ATP11C: variants seen among roughly 807,000 people sequenced by gnomAD.
ATP11C encodes the protein phospholipid-transporting ATPase IG.
In ATP11C, 36 loss-of-function variants were observed where a neutral mutation model predicts 97.4. That is an observed-to-expected ratio of 0.37 (90% CI 0.28 to 0.49). The LOEUF (loss-of-function observed/expected upper bound fraction) is 0.49, where lower values mean the gene tolerates loss of function less well. Ranked by LOEUF, ATP11C falls within the 20% of genes least tolerant of loss-of-function variation. ATP11C has a pLI of 0.98. For missense variants in ATP11C, 730 were observed against 824.6 expected (o/e 0.89, Z 1.40); for synonymous variants, 275 against 290.9 (o/e 0.95, Z 0.56).
At chrX:139,820,645 T>C (rs919280960) in intron 2 of ATP11C, among the ~76,000 whole-genome samples, 2 of 109,230 alleles carry the variant, frequency 1.8e-5, no homozygotes, top group Non-Finnish European at 3.8e-5. Flanking sequence ...GCTTTGGTAA[T>C]TGGTAATAGG....
At position 139,780,362 on chromosome X, in the gene ATP11C, G is replaced by A. The variant is rs767040223; in HGVS notation, c.1952+2185C>T. 5.4e-5 allele frequency among the ~76,000 whole-genome samples: 6 copies of A among 111,188 alleles called. No individual in the cohort carries two copies. The East Asian group carries it at 1.4e-3, about 26-fold the overall frequency. ...GAAAGATAACTCATCATGATCAAAC[G>A]GGTTTTATTCCTGGGATGCAAGGAC... On this transcript the variant is annotated intron_variant, in intron 18 of 29. Transcript: ENST00000682941.
chrX:139,729,077 T>C, intron 29 of ATP11C, 115 bp from the exon 30 acceptor site: 1 of 526,730 alleles, frequency 1.9e-6, no homozygotes, highest in Middle Eastern at 5.7e-4. Flanking sequence ...AGCAACTGTC[T>C]TAACAAAGTG....
intron 1 of ATP11C, among the ~76,000 whole-genome samples, chrX:139,842,236 G>A (rs1240696127): frequency 1.6e-4 from 18 of 112,137 alleles, no homozygotes; most frequent in African/African-American, 4.9e-4. Flanking sequence ...GTTTCACCGT[G>A]TTAGCCAGGA....
chrX:139,900,420 C>A (rs1481621064), intron 1 of ATP11C, among the ~76,000 whole-genome samples: 1 of 94,274 alleles, frequency 1.1e-5, no homozygotes, highest in African/African-American at 3.9e-5. Flanking sequence ...GCTTTAGATA[C>A]AAAATCAGAA....
intron 1 of ATP11C, among the ~76,000 whole-genome samples, chrX:139,899,735 T>A (rs766143952): frequency 7.2e-5 from 8 of 111,276 alleles, no homozygotes; most frequent in East Asian, 5.6e-4. Flanking sequence ...AAAATAAAAA[T>A]TTTTTTTAAA....
Position 139,800,738 on chromosome X carries a change from T to G in ATP11C, c.660-628A>C, listed in dbSNP as rs150318933. 3.4e-3 allele frequency among the ~76,000 whole-genome samples: 381 copies of G among 111,962 alleles called. 2 individuals carry two copies. Among genetic ancestry groups the G allele is most frequent in the African/African-American group, 0.012 (355 of 30,841 alleles). On this transcript the variant is annotated intron_variant, in intron 7 of 29. Transcript: ENST00000682941. ...TCAATACTGAGCTTGACCCAATCAC[T>G]TAATATAATAGGTGTATGGTAACCT...
At chrX:139,729,499 A>C (rs1408412298) in intron 29 of ATP11C, among the ~76,000 whole-genome samples, 1 of 111,653 alleles carries the variant, frequency 9.0e-6, no homozygotes, top group Non-Finnish European at 1.9e-5. Flanking sequence ...TGAAAGAAGC[A>C]TATTTCCCCC....
chrX:139,899,293 CAACATGGTG>C (rs1306685573), intron 1 of ATP11C, among the ~76,000 whole-genome samples: 3 of 110,302 alleles, frequency 2.7e-5, no homozygotes, highest in Non-Finnish European at 3.8e-5. Context: ...CCAGCCTAGC[CAACATGGTG>C]AAACCCCATC....
rs1293284597 is a variant in ATP11C at position 139,824,839 on chromosome X, T to C, written c.147+1865A>G. On this transcript the variant is annotated intron_variant, in intron 2 of 29. Coordinates refer to ENST00000682941, the MANE Select transcript of ATP11C (RefSeq NM_001353812.2). ...CGGCATCCAATTAAGATAGTTATTTTTATGACTGAAGGGTGGAGAAAGAAA... is the reference window on the plus strand; with the variant it reads ...CGGCATCCAATTAAGATAGTTATTTCTATGACTGAAGGGTGGAGAAAGAAA... Among the ~76,000 whole-genome samples, 3 of 112,236 alleles carry C rather than the reference T, an allele frequency of 2.7e-5. No homozygotes were observed. The Admixed American group carries it at 2.8e-4, about 11-fold the overall frequency.
chrX:139,837,276 T>C (rs1426665754), intron 1 of ATP11C, among the ~76,000 whole-genome samples: 2 of 111,929 alleles, frequency 1.8e-5, no homozygotes, highest in Non-Finnish European at 3.8e-5. Flanking sequence ...CTAGAACCAT[T>C]ATAAGAATTT....
intron 22 of ATP11C, among the ~76,000 whole-genome samples, chrX:139,761,680 G>A (rs2082041347): frequency 9.0e-6 from 1 of 110,744 alleles, no homozygotes; most frequent in South Asian, 3.8e-4. Flanking sequence ...TATACATTTG[G>A]CAAAACTCAT....
At chrX:139,919,150 C>T (rs951437596) in intron 1 of ATP11C, among the ~76,000 whole-genome samples, 8 of 109,106 alleles carry the variant, frequency 7.3e-5, no homozygotes, top group South Asian at 4.0e-4. Context: ...GGCTGAGGCA[C>T]GAGAATAGCT....
intron 1 of ATP11C, among the ~76,000 whole-genome samples, chrX:139,832,844 T>C (rs994840780): frequency 9.0e-6 from 1 of 111,623 alleles, no homozygotes; most frequent in African/African-American, 3.3e-5. Flanking sequence ...ATCTCAGAGG[T>C]AAGAAAGTTA....
At chrX:139,818,739 C>A (rs1013941581) in intron 3 of ATP11C, among the ~76,000 whole-genome samples, 1 of 112,062 alleles carries the variant, frequency 8.9e-6, no homozygotes, top group Non-Finnish European at 1.9e-5. Context: ...AAAAAAAGTA[C>A]CTTTAATGTA....
chrX:139,919,444 A>AAC (rs370999462), intron 1 of ATP11C, among the ~76,000 whole-genome samples: 5,695 of 73,845 alleles, frequency 0.077, 217 homozygotes, highest in African/African-American at 0.085. Context: ...CTCAAACTTA[A>AAC]ACACACACAC....
chrX:139,797,428 T>C (rs2033432691), intron 10 of ATP11C, 102 bp from the exon 11 acceptor site: 1 of 573,342 alleles, frequency 1.7e-6, no homozygotes. Flanking sequence ...GACGCGTAAC[T>C]ACAGCACAAG....
Position 139,742,875 on chromosome X carries a change from AAATAT to A in ATP11C, c.3030+679_3030+683del, listed in dbSNP as rs1238964941. On this transcript the variant is annotated intron_variant, in intron 26 of 29. Coordinates refer to ENST00000682941, the MANE Select transcript of ATP11C (RefSeq NM_001353812.2). ...ATTTATTTTTAAATTAAAAAAAAAA[AAATAT>A]ATATATATATATATATATATATATA... Among the ~76,000 whole-genome samples, 237 of 25,972 alleles carry A rather than the reference AAATAT, an allele frequency of 9.1e-3. 1 individual carries two copies. Among genetic ancestry groups the A allele is most frequent in the African/African-American group, 0.035 (231 of 6,642 alleles). The allele number at this position is 25,972 out of a possible 115,157, so 22.6% of individuals were successfully genotyped here. A position where few individuals can be genotyped will look rare whatever the true frequency, so the allele number is the denominator to read the frequency against.
intron 1 of ATP11C, among the ~76,000 whole-genome samples, chrX:139,903,313 C>T (rs758396679): frequency 9.0e-6 from 1 of 110,890 alleles, no homozygotes; most frequent in African/African-American, 3.3e-5. Context: ...ACTCAGGGGG[C>T]AGGCCTCTGA....
chrX:139,729,252 G>A (rs2081296109), intron 29 of ATP11C, among the ~76,000 whole-genome samples: 1 of 111,637 alleles, frequency 9.0e-6, no homozygotes, highest in Non-Finnish European at 1.9e-5. Context: ...CCATAGCAGA[G>A]GTTTAGCTTG....
Sources: gnomAD v4.1 joint callset for allele counts (sites outside exome capture counted in the v4.1 genomes callset) on GRCh38, gnomAD v4.1.1 for gene constraint, MANE v1.5 for transcripts, NCBI Gene and HGNC (gene_info 2026-07-23, HGNC 2026-07-21) for gene names.